DLGAP1: variants seen among roughly 807,000 people sequenced by gnomAD.
DLGAP1 encodes DLG associated protein 1.
DLGAP1 carries 11 observed loss-of-function variants against 90.8 expected under a neutral mutation model. The observed-to-expected ratio is 0.12, with a 90% CI of 0.08 to 0.20. The LOEUF (loss-of-function observed/expected upper bound fraction) is 0.20, where lower values mean the gene tolerates loss of function less well. Ranked by LOEUF, DLGAP1 falls within the 10% of genes least tolerant of loss-of-function variation. DLGAP1 has a pLI of 1.00. For missense variants in DLGAP1, 1,050 were observed against 1,333.8 expected (o/e 0.79, Z 3.31); for synonymous variants, 558 against 540.7 (o/e 1.03, Z -0.44).
intron 3 of DLGAP1, among the ~76,000 whole-genome samples, chr18:3,888,016 G>C (rs2071362670): frequency 6.8e-6 from 1 of 147,812 alleles, no homozygotes; most frequent in Admixed American, 6.9e-5. Flanking sequence ...GCTGAGGCAG[G>C]AGAATGGCGT....
At chr18:4,192,443 AAATTT>A (rs1305201379) in intron 1 of DLGAP1, among the ~76,000 whole-genome samples, 1 of 152,206 alleles carries the variant, frequency 6.6e-6, no homozygotes, top group Non-Finnish European at 1.5e-5. Flanking sequence ...GTAATACAAT[AAATTT>A]AATTTAACCC....
At chr18:3,587,332 G>A (rs1237961167) in intron 7 of DLGAP1, among the ~76,000 whole-genome samples, 2 of 152,208 alleles carry the variant, frequency 1.3e-5, no homozygotes, top group Admixed American at 6.5e-5. Context: ...TGGGATTACA[G>A]GCATGAGCCA....
At chr18:3,662,805 T>C (rs2059731672) in intron 7 of DLGAP1, among the ~76,000 whole-genome samples, 1 of 152,228 alleles carries the variant, frequency 6.6e-6, no homozygotes, top group African/African-American at 2.4e-5. Flanking sequence ...TATCCACTCT[T>C]TGAGTGGGAA....
intron 2 of DLGAP1, among the ~76,000 whole-genome samples, chr18:4,147,271 T>A (rs2076599590): frequency 6.6e-6 from 1 of 152,154 alleles, no homozygotes; most frequent in Non-Finnish European, 1.5e-5. Context: ...CAATTTATCT[T>A]GATATAAATG....
chr18:3,665,737 A>C (rs1361131910), intron 7 of DLGAP1, among the ~76,000 whole-genome samples: 1 of 152,244 alleles, frequency 6.6e-6, no homozygotes, highest in African/African-American at 2.4e-5. Flanking sequence ...ACACCTCTAC[A>C]GTGGCAGGGC....
At chr18:3,854,584 TAG>T (rs1227245594) in intron 4 of DLGAP1, among the ~76,000 whole-genome samples, 2 of 152,226 alleles carry the variant, frequency 1.3e-5, no homozygotes, top group African/African-American at 4.8e-5. Context: ...TGGAGCTCCC[TAG>T]AGTTAGGTAG....
chr18:3,874,364 G>C, intron 4 of DLGAP1: 1 of 1,489,730 alleles, frequency 6.7e-7, no homozygotes, highest in Non-Finnish European at 8.9e-7. Context: ...CTGTTTCTAC[G>C]GCTGAATGAA....
chr18:3,878,745 G>C (rs906682856), intron 4 of DLGAP1, among the ~76,000 whole-genome samples: 1 of 152,138 alleles, frequency 6.6e-6, no homozygotes, highest in Non-Finnish European at 1.5e-5. Flanking sequence ...CGATCGTCAC[G>C]TATTTTTGAA....
intron 2 of DLGAP1, among the ~76,000 whole-genome samples, chr18:4,088,826 C>T (rs1194613310): frequency 6.6e-6 from 1 of 152,130 alleles, no homozygotes; most frequent in South Asian, 2.1e-4. Context: ...CCATTTATGA[C>T]AAACCCACAG....
At chr18:3,578,536 T>C (rs756211717) in intron 8 of DLGAP1, among the ~76,000 whole-genome samples, 3 of 151,974 alleles carry the variant, frequency 2.0e-5, no homozygotes, top group Non-Finnish European at 4.4e-5. Context: ...TTTGTATTTT[T>C]AGTAGAGATG....
intron 1 of DLGAP1, among the ~76,000 whole-genome samples, chr18:4,157,301 T>C (rs369904631): frequency 3.3e-5 from 5 of 152,336 alleles, no homozygotes; most frequent in East Asian, 3.9e-4. Context: ...TAAACTATTA[T>C]GTAGGTTTGA....
intron 4 of DLGAP1, among the ~76,000 whole-genome samples, chr18:3,875,051 T>TG (rs2070962043): frequency 6.6e-6 from 1 of 152,220 alleles, no homozygotes; most frequent in Admixed American, 6.5e-5. Context: ...AGCAGAGCTT[T>TG]GCTAGTATTT....
chr18:4,038,123 A>T (rs1014410696), intron 2 of DLGAP1, among the ~76,000 whole-genome samples: 3 of 152,204 alleles, frequency 2.0e-5, no homozygotes, highest in Non-Finnish European at 4.4e-5. Context: ...GGCTCTAAAG[A>T]GTGATTTCTT....
chr18:4,372,689 G>T (rs1214850067), intron 1 of DLGAP1, among the ~76,000 whole-genome samples: 1 of 152,192 alleles, frequency 6.6e-6, no homozygotes. Flanking sequence ...CACTTTGGGA[G>T]GGTGAGGCGG....
chr18:3,570,078 CCATACTATATAGCCCAAGT>C (rs1195922764), intron 8 of DLGAP1, among the ~76,000 whole-genome samples: 1 of 151,888 alleles, frequency 6.6e-6, no homozygotes, highest in African/African-American at 2.4e-5. Context: ...GAGCAATGGG[CCATACTATATAGCCCAAGT>C]GGGTAGTATG....
At chr18:3,932,330 G>C (rs149571047) in intron 3 of DLGAP1, among the ~76,000 whole-genome samples, 51 of 152,250 alleles carry the variant, frequency 3.3e-4, no homozygotes, top group Middle Eastern at 3.4e-3. Context: ...GTTCCCTTGA[G>C]CAATTTTTCC....
chr18:4,076,727 G>A (rs1471545096), intron 2 of DLGAP1, among the ~76,000 whole-genome samples: 2 of 151,984 alleles, frequency 1.3e-5, no homozygotes, highest in African/African-American at 2.4e-5. Flanking sequence ...GGGTTCAAGC[G>A]ATTCCCCTGC....
chr18:4,132,886 T>G (rs1387641484), intron 2 of DLGAP1, among the ~76,000 whole-genome samples: 1 of 152,168 alleles, frequency 6.6e-6, no homozygotes, highest in East Asian at 1.9e-4. Flanking sequence ...TACTAACAGG[T>G]AAAGGTAATT....
chr18:4,068,263 T>C (rs184148027), intron 2 of DLGAP1, among the ~76,000 whole-genome samples: 35 of 152,190 alleles, frequency 2.3e-4, no homozygotes, highest in Admixed American at 1.6e-3. Context: ...CTTGTAATAG[T>C]GACTTACTCA....
Sources: gnomAD v4.1 joint callset for allele counts (sites outside exome capture counted in the v4.1 genomes callset) on GRCh38, gnomAD v4.1.1 for gene constraint, MANE v1.5 for transcripts, NCBI Gene and HGNC (gene_info 2026-07-23, HGNC 2026-07-21) for gene names.